Variants in DIAPH3 observed in about 807,000 individuals in gnomAD.
DIAPH3 encodes protein diaphanous homolog 3.
A neutral mutation model predicts 144.3 loss-of-function variants in DIAPH3; 117 were observed. The observed-to-expected ratio is 0.81, with a 90% CI of 0.70 to 0.95. The LOEUF (loss-of-function observed/expected upper bound fraction) is 0.95. Ranked by LOEUF, DIAPH3 falls within the 40% of genes least tolerant of loss-of-function variation. The pLI, the probability that DIAPH3 is intolerant of heterozygous loss-of-function variation, is 0.00. For missense variants in DIAPH3, 1,421 were observed against 1,412.7 expected, an observed-to-expected ratio of 1.01 and a Z score of -0.09; for synonymous variants, 519 against 488.9, an observed-to-expected ratio of 1.06 and a Z score of -0.81.
intron 27 of DIAPH3, chr13:59,696,270 C>A (rs1056997041): frequency 2.0e-5 from 3 of 152,166 alleles, no homozygotes; most frequent in African/African-American, 7.2e-5. Flanking sequence ...TTCATATTAT[C>A]TGGATTGATT....
At chr13:60,148,871 T>A (rs891479624) in intron 1 of DIAPH3, among the ~76,000 whole-genome samples, 1 of 152,242 alleles carries the variant, frequency 6.6e-6, no homozygotes, top group Non-Finnish European at 1.5e-5. Context: ...CACTGTAGTA[T>A]GTGTTGATTC....
chr13:60,127,685 T>C (rs2059023687), intron 2 of DIAPH3, among the ~76,000 whole-genome samples: 1 of 152,110 alleles, frequency 6.6e-6, no homozygotes, highest in African/African-American at 2.4e-5. Context: ...AAAACTGAAC[T>C]ATAGTTCAGA....
At chr13:59,769,149 T>C (rs2037997188) in intron 27 of DIAPH3, among the ~76,000 whole-genome samples, 1 of 152,072 alleles carries the variant, frequency 6.6e-6, no homozygotes. Context: ...TGTGGAGCCT[T>C]TATCACAAAA....
At chr13:59,916,594 G>A (rs2047235344) in intron 18 of DIAPH3, among the ~76,000 whole-genome samples, 1 of 152,048 alleles carries the variant, frequency 6.6e-6, no homozygotes, top group Non-Finnish European at 1.5e-5. Context: ...ACATTGTAAT[G>A]AAAATAATAA....
intron 25 of DIAPH3, among the ~76,000 whole-genome samples, chr13:59,787,233 T>C (rs1180135553): frequency 6.6e-6 from 1 of 152,194 alleles, no homozygotes; most frequent in Non-Finnish European, 1.5e-5. Context: ...CAATAACTAC[T>C]GTGGTAGCAT....
intron 20 of DIAPH3, among the ~76,000 whole-genome samples, chr13:59,898,824 A>G (rs1302193157): frequency 6.6e-6 from 1 of 152,194 alleles, no homozygotes; most frequent in African/African-American, 2.4e-5. Context: ...TGAAGGATGC[A>G]AAGTATTGTT....
intron 27 of DIAPH3, among the ~76,000 whole-genome samples, chr13:59,741,417 C>G (rs2036439375): frequency 6.6e-6 from 1 of 152,028 alleles, no homozygotes; most frequent in Non-Finnish European, 1.5e-5. Flanking sequence ...ACGTGTATCT[C>G]AGAGAGACAA....
rs755298455 is a variant in DIAPH3, at chr13:59,971,174, CAAT to C, written c.1651-17_1651-15del. 1.9e-5 allele frequency: 29 copies of C among 1,555,912 alleles called. No individual in the cohort carries two copies. The highest frequency in any genetic ancestry group is 3.3e-4 in the Middle Eastern group (2 of 6,014). ...CAAGGCACCAAACTGGAGAAAAAAA[CAAT>C]AAGAGACATAACTAAGAACATATCT... On this transcript the variant is annotated splice_polypyrimidine_tract_variant and intron_variant, in intron 15 of 27. Transcript: ENST00000400324.
chr13:59,777,507 G>A (rs968144179), intron 25 of DIAPH3, among the ~76,000 whole-genome samples: 4 of 152,134 alleles, frequency 2.6e-5, no homozygotes, highest in African/African-American at 9.6e-5. Context: ...ATCAACGGTT[G>A]CAAAAACTAT....
intron 20 of DIAPH3, among the ~76,000 whole-genome samples, chr13:59,886,466 A>G (rs1369246439): frequency 2.0e-5 from 3 of 152,094 alleles, no homozygotes. Context: ...ATACCATATG[A>G]ATTTTAGAAA....
intron 25 of DIAPH3, among the ~76,000 whole-genome samples, chr13:59,803,007 A>T (rs1228294742): frequency 1.3e-5 from 2 of 151,934 alleles, no homozygotes; most frequent in Non-Finnish European, 2.9e-5. Context: ...AATCAGCAAA[A>T]TTTTTCTGTG....
intron 20 of DIAPH3, among the ~76,000 whole-genome samples, chr13:59,900,620 A>C (rs891361255): frequency 1.3e-5 from 2 of 152,214 alleles, no homozygotes; most frequent in African/African-American, 4.8e-5. Flanking sequence ...TGAGAAAAAC[A>C]GTAAGGTTTG....
chr13:59,839,343 T>G lies in DIAPH3; in HGVS notation c.2843A>C (p.Lys948Thr). 6.2e-7 allele frequency: 1 copy of G among 1,613,628 alleles called. No homozygotes were observed. The highest frequency in any genetic ancestry group is 8.5e-7 in the Non-Finnish European group (1 of 1,179,734). ...GGATATGGACATCTTTGTCACAAACTTGTCATGCAAGTCCTCAGGAGGGGG... is the reference window on the plus strand; with the variant it reads ...GGATATGGACATCTTTGTCACAAACGTGTCATGCAAGTCCTCAGGAGGGGG... ...TFPPPEDLHD[K>T]FVTKMSRFVI... Residue 948 changes from lysine (K) to threonine (T), a missense_variant, in exon 23 of 28, where the codon AAG (lysine) becomes ACG (threonine). Lys to Thr is a moderately conservative substitution (Grantham distance 78). Coordinates refer to ENST00000400324, the MANE Select transcript of DIAPH3 (RefSeq NM_001042517.2).
At position 59,924,983 on chromosome 13, in the gene DIAPH3, T is replaced by G. The variant is rs116232420; in HGVS notation, c.2075-113A>C. On this transcript the variant is annotated intron_variant, in intron 17 of 27. Transcript: ENST00000400324. ...CTAAAAAGGATGTAACTCTTCTAAA[T>G]AAAAGTTATAAAAACAAATAAAACG... 3.6e-4 allele frequency: 522 copies of G among 1,452,044 alleles called. No individual in the cohort carries two copies. In the African/African-American group the frequency reaches 6.5e-3, roughly 18 times the overall value. 89.9% of individuals were successfully genotyped at this position (1,452,044 alleles called of 1,614,324 possible). A position where few individuals can be genotyped will look rare whatever the true frequency, so the allele number is the denominator to read the frequency against.
intron 27 of DIAPH3, among the ~76,000 whole-genome samples, chr13:59,730,374 A>T (rs1167509805): frequency 9.2e-5 from 14 of 152,282 alleles, no homozygotes; most frequent in Non-Finnish European, 1.9e-4. Flanking sequence ...GAAGTGCTTG[A>T]AAAATTATAA....
At chr13:59,793,001 G>A (rs1398404538) in intron 25 of DIAPH3, among the ~76,000 whole-genome samples, 1 of 152,134 alleles carries the variant, frequency 6.6e-6, no homozygotes, top group Non-Finnish European at 1.5e-5. Context: ...CCCTGAGAGG[G>A]TTTACATGCT....
At chr13:59,895,724 T>C (rs1259146350) in intron 20 of DIAPH3, among the ~76,000 whole-genome samples, 1 of 152,188 alleles carries the variant, frequency 6.6e-6, no homozygotes, top group African/African-American at 2.4e-5. Context: ...TGGCCTCAGA[T>C]TGCCAGTTTC....
chr13:59,679,133 C>T (rs1270924750), intron 27 of DIAPH3, among the ~76,000 whole-genome samples: 1 of 152,116 alleles, frequency 6.6e-6, no homozygotes, highest in Non-Finnish European at 1.5e-5. Flanking sequence ...CAAAGAGGAC[C>T]TTTCTCAGAA....
chr13:60,039,593 C>T (rs1594465196), intron 5 of DIAPH3, among the ~76,000 whole-genome samples: 2 of 152,010 alleles, frequency 1.3e-5, no homozygotes, highest in East Asian at 1.9e-4. Context: ...TATGAGCCAC[C>T]GTACTCAGCC....
Sources: allele counts gnomAD v4.1 joint callset (sites outside exome capture counted in the v4.1 genomes callset), GRCh38; gene constraint gnomAD v4.1.1; transcripts MANE v1.5; gene names NCBI Gene and HGNC (gene_info 2026-07-23, HGNC 2026-07-21).